DNAH1: variants seen among roughly 807,000 people sequenced by gnomAD.
DNAH1 encodes dynein axonemal heavy chain 1.
A neutral mutation model predicts 484.3 loss-of-function variants in DNAH1; 327 were observed. The ratio of observed to expected loss-of-function variants is 0.68; its 90% CI spans 0.62 to 0.74. DNAH1 has a LOEUF of 0.74. DNAH1 is among the 30% of genes least tolerant of loss of function. The pLI is 0.00. For missense variants in DNAH1, 5,052 were observed against 5,546.8 expected (o/e 0.91, Z 2.83); for synonymous variants, 2,192 against 2,191.9 (o/e 1.00, Z 0.00).
Position 52,358,639 on chromosome 3 carries a change from C to A in DNAH1, c.4168C>A (p.Pro1390Thr). The change falls in exon 25 of 78, where the codon CCC becomes ACC. Residue 1390 changes from proline (P) to threonine (T), a missense_variant. Physicochemically the swap from Pro to Thr is conservative, Grantham distance 38 (BLOSUM62 -1). Around this residue, in one of 4 missense-constraint regions of DNAH1, gnomAD observed 2,929 missense variants for 3,409.4 expected, o/e 0.86. Transcript: ENST00000420323. The surrounding 1 kb of genome is among the most constrained non-coding windows in gnomAD (Gnocchi z 4.2). Reference sequence around the variant, plus strand: ...GGTACAGTTGTGCTTCTCCATCTACCCCTCCAGCAACGTGGAGGACTGGCT... The same window carrying A: ...GGTACAGTTGTGCTTCTCCATCTACACCTCCAGCAACGTGGAGGACTGGCT... The part of the protein sequence containing the change: ...EEVQLCFSIY[P>T]SSNVEDWLRE... 6.2e-7 allele frequency: 1 copy of A among 1,613,290 alleles called. No homozygotes were observed. The highest frequency in any genetic ancestry group is 8.5e-7 in the Non-Finnish European group (1 of 1,179,768).
At chr3:52,328,762 G>A (rs1701442902) in intron 6 of DNAH1, among the ~76,000 whole-genome samples, 1 of 152,254 alleles carries the variant, frequency 6.6e-6, no homozygotes, top group Admixed American at 6.5e-5. Context: ...TGCACGGCTG[G>A]GTGTCGATGC....
chr3:52,394,398 T>C (rs769582856), intron 66 of DNAH1, 67 bp from the exon 67 acceptor site: 2 of 1,512,666 alleles, frequency 1.3e-6, no homozygotes, highest in Non-Finnish European at 1.8e-6. Context: ...CACTACTGGG[T>C]GGGGGTGCCC....
In DNAH1 at chr3:52,358,450, T is replaced by G; in HGVS notation, c.4087-108T>G. The G allele has an allele frequency of 8.2e-7, 1 of 1,214,180 alleles. No homozygotes were observed. Among genetic ancestry groups the G allele is most frequent in the Non-Finnish European group, 1.1e-6 (1 of 890,090 alleles). The allele number at this position is 1,214,180 out of a possible 1,614,324, so 75.2% of individuals were successfully genotyped here. On this transcript the variant is annotated intron_variant, in intron 24 of 77. Transcript: ENST00000420323. This position sits in a 1 kb window ranked among gnomAD's most constrained non-coding sequence, Gnocchi z 4.2. The stretch of plus-strand genomic sequence containing the variant: ...CTCGGGGGGACGGGAAGGCAGGGCT[T>G]TCTTCTTGAGGTGGAGGGCACCGGG...
chr3:52,395,028 C>G lies in DNAH1; in HGVS notation c.10937C>G (p.Thr3646Ser). 6.2e-7 allele frequency: 1 copy of G among 1,610,890 alleles called. No individual in the cohort carries two copies. The highest frequency in any genetic ancestry group is 1.1e-5 in the South Asian group (1 of 90,248). The change falls in exon 68 of 78, where the codon ACC (threonine) becomes AGC (serine). Residue 3646 changes from threonine to serine, a missense_variant. By Grantham distance (58) the Thr-to-Ser change is moderately conservative (BLOSUM62 1). Transcript: ENST00000420323. The surrounding 1 kb of genome is among the most constrained non-coding windows in gnomAD (Gnocchi z 4.4). ...AACGCCATGCAGGACTTTGTGGCCA[C>G]CAACCTGGAGCCACGCTTCATTGAA... The part of the protein sequence containing the change: ...VTNAMQDFVA[T>S]NLEPRFIEPQ...
Position 52,352,701 on chromosome 3 carries a change from C to T in DNAH1, c.3021C>T (p.Ile1007=), listed in dbSNP as rs1402537341. ...GCGAGCGCATCTTCAGCTTGCCCAT[C>T]ACCAATGTAGGCCTCCTGCAGGCAC... ...NNRERIFSLP[I]TNYDKLSRMV... is the part of the protein sequence containing the mutation. Residue 1007 remains isoleucine, a synonymous_variant, in exon 18 of 78, where the codon ATC becomes ATT. Transcript: ENST00000420323. The T allele has an allele frequency of 2.5e-6, 4 of 1,611,474 alleles. No individual in the cohort carries two copies. Among genetic ancestry groups the T allele is most frequent in the Non-Finnish European group, 3.4e-6 (4 of 1,178,460 alleles).
rs1459298753 is a variant in DNAH1, at chr3:52,360,552, A to C, written c.4685+128A>C. 3 of 745,278 alleles carry C rather than the reference A, an allele frequency of 4.0e-6. No homozygotes were observed. In the East Asian group the frequency reaches 8.3e-5, roughly 20 times the overall value. The allele number at this position is 745,278 out of a possible 1,614,324, so 46.2% of individuals were successfully genotyped here. A position where few individuals can be genotyped will look rare whatever the true frequency, so the allele number is the denominator to read the frequency against. On this transcript the variant is annotated intron_variant, in intron 28 of 77. Transcript: ENST00000420323. ...ATCAGAGCAGTACAGGGTTAGGACC[A>C]AGGGCTTTGGGCTCAGACCTCAGTT... is the stretch of plus-strand genomic sequence containing the variant.
rs1308398650 is a variant in DNAH1 at position 52,357,732 on chromosome 3, C to G, written c.3977C>G (p.Pro1326Arg). The G allele has an allele frequency of 6.3e-7, 1 of 1,576,910 alleles. No homozygotes were observed. The highest frequency in any genetic ancestry group is 8.6e-7 in the Non-Finnish European group (1 of 1,161,240). Residue 1326 changes from proline (P) to arginine (R), a missense_variant, in exon 23 of 78, where the codon CCC (proline) becomes CGC (arginine). Transcript: ENST00000420323. ...CTGGAGACCAAGAGGAGCGCCTTCC[C>G]CAGGTGGGCGCCACCTGGCCATGCC... ...EYLETKRSAFPRFYFLSDDEL... is the reference protein window; with the variant it reads ...EYLETKRSAFRRFYFLSDDEL...
At chr3:52,317,628 G>A (rs1700994903) in intron 1 of DNAH1, among the ~76,000 whole-genome samples, 1 of 152,356 alleles carries the variant, frequency 6.6e-6, no homozygotes, top group African/African-American at 2.4e-5. Flanking sequence ...GGGCACAGGA[G>A]GGAAGATGGG....
At position 52,370,095 on chromosome 3, in the gene DNAH1, G is replaced by A. The variant is rs746239; in HGVS notation, c.6139-15G>A. 0.11 allele frequency: 177,230 copies of A among 1,613,830 alleles called. 10,867 individuals are homozygous for A. The highest frequency in any genetic ancestry group is 0.13 in the Non-Finnish European group (148,883 of 1,179,770). Reference sequence around the variant, plus strand: ...TGGCTGCCAGCCATGAGAACTGGGTGCCTACTCCCTGCAGGAATCCATCTC... The same window carrying A: ...TGGCTGCCAGCCATGAGAACTGGGTACCTACTCCCTGCAGGAATCCATCTC... On this transcript the variant is annotated splice_polypyrimidine_tract_variant and intron_variant, in intron 38 of 77. Transcript: ENST00000420323.
intron 44 of DNAH1, 71 bp from the exon 45 acceptor site, chr3:52,375,169 G>A: frequency 6.7e-7 from 1 of 1,484,950 alleles, no homozygotes; most frequent in Non-Finnish European, 9.1e-7. Context: ...ATTTTTGTAT[G>A]GAGAAGGGGC....
intron 36 of DNAH1, among the ~76,000 whole-genome samples, chr3:52,367,370 G>A (rs1000103698): frequency 6.6e-6 from 1 of 152,052 alleles, no homozygotes; most frequent in African/African-American, 2.4e-5. Flanking sequence ...TGTCTGCTTG[G>A]CTCCAGTGTT....
At chr3:52,357,515 C>G (rs1702661970) in intron 22 of DNAH1, 99 bp from the exon 23 acceptor site, 1 of 1,456,698 alleles carries the variant, frequency 6.9e-7, no homozygotes, top group African/African-American at 1.4e-5. Flanking sequence ...CCAGGCCCCG[C>G]TGAGGGGCTC....
rs756704265 is a variant in DNAH1 at position 52,326,287 on chromosome 3, A to G, written c.554A>G (p.Gln185Arg). ...GTGCCTTTCCAGGTGCTGCCAGGCC[A>G]GCATCCTCGCAAGATTGAGATCGAG... ...MQVPFQVLPGQHPRKIEIERR... is the reference protein window; with the variant it reads ...MQVPFQVLPGRHPRKIEIERR... Residue 185 changes from glutamine (Q) to arginine (R), a missense_variant, in exon 4 of 78, where the codon CAG (glutamine) becomes CGG (arginine). By Grantham distance (43) the Gln-to-Arg change is conservative. Transcript: ENST00000420323. 7.5e-6 allele frequency: 12 copies of G among 1,609,976 alleles called. No homozygotes were observed. The highest frequency in any genetic ancestry group is 1.0e-5 in the Non-Finnish European group (12 of 1,179,792).
At position 52,356,387 on chromosome 3, in the gene DNAH1, T is replaced by A. The variant is rs547182588; in HGVS notation, c.3694-227T>A. Among the ~76,000 whole-genome samples the A allele has an allele frequency of 1.9e-3, 294 of 152,328 alleles. 2 individuals carry two copies. The highest frequency in any genetic ancestry group is 6.6e-3 in the African/African-American group (276 of 41,576). On this transcript the variant is annotated intron_variant, in intron 21 of 77. Coordinates refer to ENST00000420323, the MANE Select transcript of DNAH1 (RefSeq NM_015512.5). ...CTCCTTTGGAGGCTTGGGCGTCCTGTGGGGATGTGGGACTTCTCTGGAGGG... is the reference window on the plus strand; with the variant it reads ...CTCCTTTGGAGGCTTGGGCGTCCTGAGGGGATGTGGGACTTCTCTGGAGGG...
chr3:52,361,511 G>T lies in DNAH1; in HGVS notation c.4875-150G>T. On this transcript the variant is annotated intron_variant, in intron 29 of 77. Coordinates refer to ENST00000420323, the MANE Select transcript of DNAH1 (RefSeq NM_015512.5). The surrounding 1 kb of genome is among the most constrained non-coding windows in gnomAD (Gnocchi z 5.6). ...ACGGCTTGGTCCTGGGGGCATTGGGGTGGGGAGTGGCAGTGGGTTGAAGAC... is the reference window on the plus strand; with the variant it reads ...ACGGCTTGGTCCTGGGGGCATTGGGTTGGGGAGTGGCAGTGGGTTGAAGAC... 8.3e-7 allele frequency: 1 copy of T among 1,202,580 alleles called. No homozygotes were observed. The highest frequency in any genetic ancestry group is 1.2e-6 in the Non-Finnish European group (1 of 857,790). The allele number at this position is 1,202,580 out of a possible 1,614,324, so 74.5% of individuals were successfully genotyped here. A position where few individuals can be genotyped will look rare whatever the true frequency, so the allele number is the denominator to read the frequency against.
At chr3:52,356,912 A>T (rs1478764251) in intron 22 of DNAH1, 134 bp downstream of exon 22, 1 of 1,169,446 alleles carries the variant, frequency 8.6e-7, no homozygotes, top group East Asian at 2.6e-5. Context: ...ATCTTGAACC[A>T]TGTCCTCCAG....
At position 52,359,908 on chromosome 3, in the gene DNAH1, T is replaced by A; in HGVS notation, c.4408-8T>A. 6 of 1,613,506 alleles carry A rather than the reference T, an allele frequency of 3.7e-6. No homozygotes were observed. The highest frequency in any genetic ancestry group is 1.6e-4 in the Middle Eastern group (1 of 6,062). ...CCTGATGTTTGACAGTGCACCCCAT[T>A]TCTGCAGCTCAGTGATCTGGTGGCC... On this transcript the variant is annotated splice_polypyrimidine_tract_variant and splice_region_variant and intron_variant, in intron 26 of 77. Transcript: ENST00000420323.
chr3:52,342,852 G>C (rs1444402217), intron 8 of DNAH1, among the ~76,000 whole-genome samples: 1 of 152,196 alleles, frequency 6.6e-6, no homozygotes, highest in Non-Finnish European at 1.5e-5. Flanking sequence ...TGAGTGGGCT[G>C]GTGGATAAAT....
chr3:52,328,312 G>A (rs953066603), intron 6 of DNAH1, among the ~76,000 whole-genome samples: 4 of 152,058 alleles, frequency 2.6e-5, no homozygotes, highest in African/African-American at 9.7e-5. Context: ...AAACATGCAC[G>A]AGGGGCACAA....
Sources: gnomAD v4.1 joint callset for allele counts (sites outside exome capture counted in the v4.1 genomes callset) on GRCh38, gnomAD v4.1.1 for gene constraint, gnomAD v4.1.1 regional missense constraint, Gnocchi (gnomAD v3.1) non-coding constraint, MANE v1.5 for transcripts, NCBI Gene and HGNC (gene_info 2026-07-23, HGNC 2026-07-21) for gene names.